PTBP3: variants seen among roughly 807,000 people sequenced by gnomAD.
PTBP3 encodes the protein polypyrimidine tract binding protein 3, also known as polypyrimidine tract-binding protein 3.
PTBP3 carries 20 observed loss-of-function variants against 58.7 expected under a neutral mutation model. That is an observed-to-expected ratio of 0.34 (90% CI 0.24 to 0.50). The LOEUF is 0.50. Among genes scored for constraint, PTBP3 ranks in the 20% least tolerant of loss-of-function variants. PTBP3 has a pLI of 0.98. For synonymous variants in PTBP3, 185 were observed against 219.8 expected (o/e 0.84, Z 1.40); for missense variants, 509 against 637.2 (o/e 0.80, Z 2.17).
chr9:112,367,625 C>T, the PTBP3 span, among the ~76,000 whole-genome samples: 2 of 152,228 alleles, frequency 1.3e-5, no homozygotes, highest in African/African-American at 4.8e-5. Flanking sequence ...CCCATGGTTT[C>T]CTGGCCTGCA....
intron 3 of PTBP3, among the ~76,000 whole-genome samples, chr9:112,271,901 C>A (rs1827401724): frequency 6.6e-6 from 1 of 152,120 alleles, no homozygotes; most frequent in Admixed American, 6.5e-5. Flanking sequence ...GATTTGATAT[C>A]TGTAGTCACT....
chr9:112,219,785 C>T lies in PTBP3; in HGVS notation c.*4066G>A, dbSNP rs905515325. 6.5e-6 allele frequency: 1 copy of T among 153,528 alleles called. No homozygotes were observed. Among genetic ancestry groups the T allele is most frequent in the Non-Finnish European group, 1.5e-5 (1 of 68,704 alleles). 9.5% of individuals were successfully genotyped at this position (153,528 alleles called of 1,614,324 possible). A position where few individuals can be genotyped will look rare whatever the true frequency, so the allele number is the denominator to read the frequency against. On this transcript the variant is annotated 3_prime_UTR_variant, in exon 14 of 14. Coordinates refer to ENST00000374257, the MANE Select transcript of PTBP3 (RefSeq NM_001163788.4). ...TCAATTAAGACTACTGAAGAAGGCA[C>T]ATAAACTTTGGTCCTGTTTTTTCTC...
At chr9:112,324,747 C>T (rs1830092947) in intron 1 of PTBP3, among the ~76,000 whole-genome samples, 1 of 151,198 alleles carries the variant, frequency 6.6e-6, no homozygotes, top group South Asian at 2.1e-4. Context: ...ACATAAAAAA[C>T]TCACCACCAC....
At chr9:112,343,827 A>G in the PTBP3 span, among the ~76,000 whole-genome samples, 1 of 151,580 alleles carries the variant, frequency 6.6e-6, no homozygotes, top group Non-Finnish European at 1.5e-5. Context: ...ACATGCCCTC[A>G]TTTTTCATTT....
chr9:112,309,506 C>T (rs1291646167), intron 1 of PTBP3, among the ~76,000 whole-genome samples: 2 of 152,076 alleles, frequency 1.3e-5, no homozygotes, highest in East Asian at 1.9e-4. Flanking sequence ...AGTAACAGGC[C>T]GGGTGTGGTG....
the PTBP3 span, among the ~76,000 whole-genome samples, chr9:112,373,117 C>T: frequency 7.9e-5 from 12 of 151,990 alleles, no homozygotes; most frequent in Non-Finnish European, 8.8e-5. Context: ...AGGATGGTCT[C>T]GATCTCCTGA....
chr9:112,374,409 C>T, the PTBP3 span, among the ~76,000 whole-genome samples: 5 of 152,158 alleles, frequency 3.3e-5, no homozygotes, highest in Admixed American at 3.3e-4. Flanking sequence ...TAAGTAGTGC[C>T]ACTTCCACTT....
the PTBP3 span, among the ~76,000 whole-genome samples, chr9:112,377,357 C>T: frequency 6.6e-6 from 1 of 152,010 alleles, no homozygotes; most frequent in African/African-American, 2.4e-5. Flanking sequence ...CTCAAAAAAA[C>T]AAAACAAAAC....
intron 2 of PTBP3, among the ~76,000 whole-genome samples, chr9:112,295,909 T>C (rs953177228): frequency 6.6e-6 from 1 of 152,178 alleles, no homozygotes; most frequent in Non-Finnish European, 1.5e-5. Flanking sequence ...TTCTTTGTTT[T>C]AGAACTAGAT....
At chr9:112,270,973 C>T (rs1827361641) in intron 3 of PTBP3, among the ~76,000 whole-genome samples, 1 of 151,982 alleles carries the variant, frequency 6.6e-6, no homozygotes, top group Admixed American at 6.6e-5. Flanking sequence ...ATTACAGGTG[C>T]ACGCCACCAC....
At chr9:112,269,287 G>T (rs1381953153) in intron 3 of PTBP3, among the ~76,000 whole-genome samples, 1 of 151,270 alleles carries the variant, frequency 6.6e-6, no homozygotes, top group Non-Finnish European at 1.5e-5. Flanking sequence ...GGGTAAAAAG[G>T]CTAAAAACCG....
chr9:112,323,816 C>A (rs1347390465), intron 1 of PTBP3, among the ~76,000 whole-genome samples: 1 of 151,914 alleles, frequency 6.6e-6, no homozygotes, highest in Non-Finnish European at 1.5e-5. Context: ...CTGATATTTT[C>A]TAGAAAAAAG....
chr9:112,372,794 T>C, the PTBP3 span, among the ~76,000 whole-genome samples: 1 of 152,218 alleles, frequency 6.6e-6, no homozygotes, highest in Admixed American at 6.5e-5. Context: ...TATACCATAT[T>C]GTGTTTATCC....
chr9:112,333,622 G>C (rs563518434), upstream of PTBP3: 15 of 909,400 alleles, frequency 1.6e-5, no homozygotes, highest in Admixed American at 3.9e-4. Flanking sequence ...AGGAGAGTGG[G>C]AACAGGGGCG....
At position 112,297,895 on chromosome 9, in the gene PTBP3, A is replaced by G; in HGVS notation, c.-30T>C. On this transcript the variant is annotated 5_prime_UTR_variant, in exon 2 of 14. Transcript: ENST00000374257. ...AAAGGTCCGTTAATGATGCCAGAAG[A>G]AAGAAGCTCATCAGATCCCCGCTGA... 1 of 1,613,340 alleles carries G rather than the reference A, an allele frequency of 6.2e-7. No homozygotes were observed. The highest frequency in any genetic ancestry group is 8.5e-7 in the Non-Finnish European group (1 of 1,179,656).
At chr9:112,330,794 A>G (rs1014506436) in intron 1 of PTBP3, among the ~76,000 whole-genome samples, 1 of 152,188 alleles carries the variant, frequency 6.6e-6, no homozygotes, top group Non-Finnish European at 1.5e-5. Flanking sequence ...ACCAAAACTT[A>G]AAATCACCAA....
intron 1 of PTBP3, chr9:112,333,055 A>T: frequency 7.1e-6 from 9 of 1,264,964 alleles, no homozygotes; most frequent in Non-Finnish European, 8.9e-6. Flanking sequence ...CCCCGGCAGG[A>T]GGACGCCCGC....
chr9:112,312,983 G>GC lies in PTBP3; in HGVS notation c.-51-15068dup, dbSNP rs548312542. Among the ~76,000 whole-genome samples, 1,228 of 152,170 alleles carry GC rather than the reference G, an allele frequency of 8.1e-3. 7 individuals are homozygous for GC. Among genetic ancestry groups the GC allele is most frequent in the Non-Finnish European group, 0.013 (916 of 68,012 alleles). On this transcript the variant is annotated intron_variant, in intron 1 of 13. Transcript: ENST00000374257. ...TGCTTGAGCTCAGGAGGTCAAGGCT[G>GC]CAGTGAGCTGAAATTGTGCCACTGC...
the PTBP3 span, among the ~76,000 whole-genome samples, chr9:112,356,022 T>C: frequency 1.3e-5 from 2 of 150,160 alleles, no homozygotes; most frequent in African/African-American, 2.5e-5. Context: ...CTTCTTTCCT[T>C]CTTCTTTTCC....
Sources: allele counts gnomAD v4.1 joint callset (sites outside exome capture counted in the v4.1 genomes callset), GRCh38; gene constraint gnomAD v4.1.1; transcripts MANE v1.5; gene names NCBI Gene and HGNC (gene_info 2026-07-23, HGNC 2026-07-21).